Variants in DERA observed in about 807,000 individuals in gnomAD.
The protein encoded by DERA is deoxyribose-phosphate aldolase, also known as 2-deoxy-D-ribose 5-phosphate aldolase.
DERA carries 15 observed loss-of-function variants against 41.1 expected under a neutral mutation model. The observed-to-expected ratio is 0.37, with a 90% CI of 0.24 to 0.56. The LOEUF is 0.56. Among genes scored for constraint, DERA ranks in the 20% least tolerant of loss-of-function variants. DERA has a pLI of 0.81. For missense variants in DERA, 396 were observed against 403.4 expected, an observed-to-expected ratio of 0.98 and a Z score of 0.16; for synonymous variants, 139 against 137.4, an observed-to-expected ratio of 1.01 and a Z score of -0.08.
In DERA at chr12:15,966,861, A is replaced by G. The variant is rs776246796; in HGVS notation, c.508+3914A>G. Reference sequence around the variant, plus strand: ...GAAACGTCATGTCCTTGCTGATTTCAGTTACATTCCTTATGGCAAAGACAA... The same window carrying G: ...GAAACGTCATGTCCTTGCTGATTTCGGTTACATTCCTTATGGCAAAGACAA... On this transcript the variant is annotated intron_variant, in intron 5 of 8. Coordinates refer to ENST00000428559, the MANE Select transcript of DERA (RefSeq NM_015954.4). This position sits in a 1 kb window ranked among gnomAD's most constrained non-coding sequence, Gnocchi z 5.1. Among the ~76,000 whole-genome samples, 5 of 152,068 alleles carry G rather than the reference A, an allele frequency of 3.3e-5. No individual in the cohort carries two copies. Among genetic ancestry groups the G allele is most frequent in the Non-Finnish European group, 7.4e-5 (5 of 68,020 alleles).
chr12:15,917,851 GGATAAC>G (rs1948211902), intron 1 of DERA, among the ~76,000 whole-genome samples: 1 of 152,094 alleles, frequency 6.6e-6, no homozygotes, highest in Non-Finnish European at 1.5e-5. Context: ...TTTTTTCAGT[GGATAAC>G]GATATGAGAA....
In DERA at chr12:16,008,752, C is replaced by T. The variant is rs567530123; in HGVS notation, c.638-23790C>T. Among the ~76,000 whole-genome samples, 3 of 152,268 alleles carry T rather than the reference C, an allele frequency of 2.0e-5. No homozygotes were observed. The highest frequency in any genetic ancestry group is 7.2e-5 in the African/African-American group (3 of 41,550). On this transcript the variant is annotated intron_variant, in intron 6 of 8. Coordinates refer to ENST00000428559, the MANE Select transcript of DERA (RefSeq NM_015954.4). This position sits in a 1 kb window ranked among gnomAD's most constrained non-coding sequence, Gnocchi z 4.8. ...GCTCTTGGCATTTCTCTCGTGGTTA[C>T]AAGATGGCTGCCACAGCTCCAGTCA...
intron 6 of DERA, among the ~76,000 whole-genome samples, chr12:16,002,067 T>C (rs1338283123): frequency 1.3e-5 from 2 of 152,160 alleles, no homozygotes; most frequent in East Asian, 3.9e-4. Context: ...ATGTGCCATG[T>C]TGGTGTGCTG....
chr12:15,934,137 C>G (rs1355730702), intron 1 of DERA, among the ~76,000 whole-genome samples: 4 of 152,110 alleles, frequency 2.6e-5, no homozygotes, highest in Admixed American at 1.3e-4. Flanking sequence ...GCCCATATCA[C>G]AGAACCAGAA....
chr12:15,949,971 C>A (rs952176300), intron 1 of DERA, among the ~76,000 whole-genome samples: 1 of 152,192 alleles, frequency 6.6e-6, no homozygotes, highest in Non-Finnish European at 1.5e-5. Context: ...GTCACCCTCT[C>A]TTCCATTTCC....
intron 6 of DERA, among the ~76,000 whole-genome samples, chr12:16,031,830 AGG>A (rs1949094410): frequency 1.3e-5 from 2 of 152,316 alleles, no homozygotes; most frequent in African/African-American, 4.8e-5. Flanking sequence ...TAGCTCATGC[AGG>A]TATTGACTGA....
chr12:15,970,041 A>G lies in DERA; in HGVS notation c.508+7094A>G, dbSNP rs1009810587. The stretch of plus-strand genomic sequence containing the variant: ...ATCTTATCTCTTGTAGGTTATTATA[A>G]TATCTGGTGTGTTAGCTCATCTCTG... On this transcript the variant is annotated intron_variant, in intron 5 of 8. Coordinates refer to ENST00000428559, the MANE Select transcript of DERA (RefSeq NM_015954.4). This position sits in a 1 kb window ranked among gnomAD's most constrained non-coding sequence, Gnocchi z 4.3. 8.5e-5 allele frequency among the ~76,000 whole-genome samples: 13 copies of G among 152,184 alleles called. No homozygotes were observed. The highest frequency in any genetic ancestry group is 3.1e-4 in the African/African-American group (13 of 41,434).
At position 15,981,635 on chromosome 12, in the gene DERA, A is replaced by G. The variant is rs1948733558; in HGVS notation, c.509-673A>G. ...GAAATATGAAATAAATCTGGGCCCA[A>G]TGTGGAACCCTCCAAAGCCAGATGT... On this transcript the variant is annotated intron_variant, in intron 5 of 8. Coordinates refer to ENST00000428559, the MANE Select transcript of DERA (RefSeq NM_015954.4). This position sits in a 1 kb window ranked among gnomAD's most constrained non-coding sequence, Gnocchi z 6.1. Among the ~76,000 whole-genome samples the G allele has an allele frequency of 6.6e-6, 1 of 152,148 alleles. No individual in the cohort carries two copies. The highest frequency in any genetic ancestry group is 1.5e-5 in the Non-Finnish European group (1 of 68,024).
At chr12:16,018,840 C>G (rs1397400597) in intron 6 of DERA, among the ~76,000 whole-genome samples, 1 of 152,068 alleles carries the variant, frequency 6.6e-6, no homozygotes, top group African/African-American at 2.4e-5. Flanking sequence ...CAACTAATCA[C>G]AGTTGAATAT....
At chr12:15,916,233 C>G (rs1948197721) in intron 1 of DERA, 1 of 152,100 alleles carries the variant, frequency 6.6e-6, no homozygotes, top group South Asian at 2.1e-4. Context: ...ATGTCAAAAC[C>G]AGACTTCCTC....
Position 15,992,200 on chromosome 12 carries a change from T to C in DERA, c.637+9764T>C, listed in dbSNP as rs1279734025. Among the ~76,000 whole-genome samples the C allele has an allele frequency of 3.3e-5, 5 of 151,476 alleles. No individual in the cohort carries two copies. Among genetic ancestry groups the C allele is most frequent in the Admixed American group, 1.3e-4 (2 of 15,176 alleles). On this transcript the variant is annotated intron_variant, in intron 6 of 8. Transcript: ENST00000428559. This position sits in a 1 kb window ranked among gnomAD's most constrained non-coding sequence, Gnocchi z 4.3. ...AAGAATATATTTCCATATACACCAA[T>C]GAATGAGTGAAAGAGAGAAAAAAGA...
Position 15,976,056 on chromosome 12 carries a change from TTTTA to T in DERA, c.509-6242_509-6239del, listed in dbSNP as rs1416403373. Among the ~76,000 whole-genome samples the T allele has an allele frequency of 1.3e-5, 2 of 152,156 alleles. No individual in the cohort carries two copies. The highest frequency in any genetic ancestry group is 2.9e-5 in the Non-Finnish European group (2 of 68,026). On this transcript the variant is annotated intron_variant, in intron 5 of 8. Coordinates refer to ENST00000428559, the MANE Select transcript of DERA (RefSeq NM_015954.4). This position sits in a 1 kb window ranked among gnomAD's most constrained non-coding sequence, Gnocchi z 4.1. ...CACACACATAGAAACACACATTCATTTTTATTTATTTATATATCAGTCTATAAAT... is the reference window on the plus strand; with the variant it reads ...CACACACATAGAAACACACATTCATTTTTATTTATATATCAGTCTATAAAT...
chr12:16,033,492 A>T (rs1387377357), intron 7 of DERA, among the ~76,000 whole-genome samples: 1 of 151,420 alleles, frequency 6.6e-6, no homozygotes, highest in African/African-American at 2.4e-5. Context: ...TTTAAAAATG[A>T]GTTTGGATTT....
intron 5 of DERA, among the ~76,000 whole-genome samples, chr12:15,980,116 A>G (rs1948723236): frequency 6.6e-6 from 1 of 152,244 alleles, no homozygotes; most frequent in African/African-American, 2.4e-5. Context: ...AATTCATTTT[A>G]CTAGAATTCT....
At chr12:16,029,950 TCTCA>T (rs1255331996) in intron 6 of DERA, among the ~76,000 whole-genome samples, 2 of 116,588 alleles carry the variant, frequency 1.7e-5, no homozygotes, top group Non-Finnish European at 3.4e-5. Context: ...TGAGATGGAG[TCTCA>T]CTCTGTTGCC....
In DERA at chr12:15,959,829, G is replaced by A. The variant is rs1948569724; in HGVS notation, c.278G>A (p.Gly93Asp). ...GGCTATTCCTATTTTTTCTTGATAG[G>A]CATTACTACAGCCGCCGTTTGTGTT... ...LLKALNMHDK[G>D]ITTAAVCVYP... Residue 93 changes from glycine (G) to aspartate (D), a missense_variant and splice_region_variant, in exon 4 of 9, where the codon GGC becomes GAC. Transcript: ENST00000428559. The surrounding 1 kb of genome is among the most constrained non-coding windows in gnomAD (Gnocchi z 4.5). 5.9e-6 allele frequency: 9 copies of A among 1,537,974 alleles called. No homozygotes were observed. The highest frequency in any genetic ancestry group is 2.4e-5 in the East Asian group (1 of 40,904).
intron 6 of DERA, among the ~76,000 whole-genome samples, chr12:16,023,653 A>C (rs1411527977): frequency 6.6e-6 from 1 of 151,024 alleles, no homozygotes; most frequent in Non-Finnish European, 1.5e-5. Context: ...AATTTTTTGT[A>C]TTTTTAGTAG....
Position 16,032,567 on chromosome 12 carries a change from T to C in DERA, c.663T>C (p.Thr221=). 2 of 1,552,720 alleles carry C rather than the reference T, an allele frequency of 1.3e-6. No homozygotes were observed. The highest frequency in any genetic ancestry group is 8.7e-7 in the Non-Finnish European group (1 of 1,149,318). ...MAGSDFIKTS[T]GKETVNATFP... ...GATCAGATTTTATTAAGACCTCTAC[T>C]GGAAAAGAAACAGTAAATGCCACCT... Residue 221 remains threonine (T), a synonymous_variant, in exon 7 of 9, where the codon ACT becomes ACC. Coordinates refer to ENST00000428559, the MANE Select transcript of DERA (RefSeq NM_015954.4).
intron 5 of DERA, among the ~76,000 whole-genome samples, chr12:15,974,254 C>T (rs7131739): frequency 0.62 from 94,258 of 151,526 alleles, 29,640 homozygotes; most frequent in East Asian, 0.82. Context: ...GATGACCATA[C>T]GGCCATTAAA....
Sources: allele counts gnomAD v4.1 joint callset (sites outside exome capture counted in the v4.1 genomes callset), GRCh38; gene constraint gnomAD v4.1.1; non-coding constraint Gnocchi (gnomAD v3.1); transcripts MANE v1.5; gene names NCBI Gene and HGNC (gene_info 2026-07-23, HGNC 2026-07-21).